Variants in EXOC4 observed in about 807,000 individuals in gnomAD.
The protein encoded by EXOC4 is SEC8-like 1.
A neutral mutation model predicts 107.2 loss-of-function variants in EXOC4; 71 were observed. That is an observed-to-expected ratio of 0.66 (90% CI 0.55 to 0.81). The LOEUF is 0.81. Ranked by LOEUF, EXOC4 falls within the 30% of genes least tolerant of loss-of-function variation. The probability of loss-of-function intolerance (pLI) is 0.00; values close to 1 mark genes in which losing one functional copy is unlikely to be tolerated. For synonymous variants in EXOC4, 456 were observed against 441.2 expected, an observed-to-expected ratio of 1.03 and a Z score of -0.42; for missense variants, 1,108 against 1,189.6, an observed-to-expected ratio of 0.93 and a Z score of 1.01.
At chr7:133,609,875 G>T (rs941797488) in intron 9 of EXOC4, among the ~76,000 whole-genome samples, 3 of 152,178 alleles carry the variant, frequency 2.0e-5, no homozygotes, top group African/African-American at 7.2e-5. Context: ...GCTACAACAG[G>T]ACTCTAGCCT....
chr7:133,541,358 G>C (rs1800376258), intron 9 of EXOC4, among the ~76,000 whole-genome samples: 1 of 152,152 alleles, frequency 6.6e-6, no homozygotes. Flanking sequence ...GAATCTCCCT[G>C]ATAGCTATAG....
chr7:133,912,405 T>G (rs1016807400), intron 12 of EXOC4, among the ~76,000 whole-genome samples: 6 of 152,014 alleles, frequency 3.9e-5, no homozygotes, highest in Admixed American at 2.0e-4. Flanking sequence ...TACATTGGGG[T>G]TTTTCAAAGA....
chr7:133,903,925 C>T lies in EXOC4; in HGVS notation c.1871+8190C>T, dbSNP rs549360462. ...AAATACAGTGTTGTAGTGTTGCCAGCATTAGAACTCAGCACGGACTGAGTG... is the reference window on the plus strand; with the variant it reads ...AAATACAGTGTTGTAGTGTTGCCAGTATTAGAACTCAGCACGGACTGAGTG... On this transcript the variant is annotated intron_variant, in intron 12 of 17. Transcript: ENST00000253861. Among the ~76,000 whole-genome samples, 16 of 152,244 alleles carry T rather than the reference C, an allele frequency of 1.1e-4. 1 individual carries two copies. The South Asian group carries it at 2.3e-3, about 22-fold the overall frequency.
intron 7 of EXOC4, among the ~76,000 whole-genome samples, chr7:133,426,469 T>TG (rs1414215179): frequency 6.6e-6 from 1 of 152,238 alleles, no homozygotes; most frequent in Non-Finnish European, 1.5e-5. Context: ...AACTTGCTCA[T>TG]GAAGTGTGGG....
intron 10 of EXOC4, among the ~76,000 whole-genome samples, chr7:133,685,786 C>T (rs1181456707): frequency 1.3e-5 from 2 of 152,076 alleles, no homozygotes; most frequent in African/African-American, 2.4e-5. Flanking sequence ...GTTGCATAGA[C>T]ATATTGCGTA....
chr7:133,840,623 C>T (rs1298320962), intron 11 of EXOC4, among the ~76,000 whole-genome samples: 3 of 152,058 alleles, frequency 2.0e-5, no homozygotes, highest in Non-Finnish European at 4.4e-5. Flanking sequence ...GCTGGGACTA[C>T]AGGCACGCTC....
the EXOC4 span, among the ~76,000 whole-genome samples, chr7:134,089,398 A>G: frequency 0.21 from 32,117 of 152,176 alleles, 5,086 homozygotes; most frequent in African/African-American, 0.45. Flanking sequence ...ATGTTACACT[A>G]TTAACTCTTA....
chr7:133,354,963 G>A (rs1174785334), intron 5 of EXOC4, among the ~76,000 whole-genome samples: 1 of 152,126 alleles, frequency 6.6e-6, no homozygotes, highest in Non-Finnish European at 1.5e-5. Context: ...CTACTCTGCA[G>A]TCTTCCCAGA....
chr7:133,575,904 G>T (rs563112981), intron 9 of EXOC4, among the ~76,000 whole-genome samples: 2 of 152,208 alleles, frequency 1.3e-5, no homozygotes, highest in South Asian at 4.1e-4. Flanking sequence ...ACTACATGTG[G>T]TTGACAGATT....
chr7:134,042,412 T>C (rs532117347), intron 17 of EXOC4, among the ~76,000 whole-genome samples: 1 of 152,144 alleles, frequency 6.6e-6, no homozygotes, highest in East Asian at 1.9e-4. Context: ...TTTGCCAGTG[T>C]GCTCAATGCT....
chr7:133,882,023 A>C (rs1798977252), intron 11 of EXOC4, among the ~76,000 whole-genome samples: 1 of 152,172 alleles, frequency 6.6e-6, no homozygotes, highest in African/African-American at 2.4e-5. Flanking sequence ...CTAAAAAAAA[A>C]ATAACCACTA....
At chr7:133,522,927 G>A (rs549352246) in intron 9 of EXOC4, among the ~76,000 whole-genome samples, 6 of 152,232 alleles carry the variant, frequency 3.9e-5, no homozygotes, top group Non-Finnish European at 7.4e-5. Context: ...CTCTTACCAT[G>A]TACGAGCCCA....
intron 7 of EXOC4, among the ~76,000 whole-genome samples, chr7:133,424,443 T>C (rs1481218484): frequency 6.6e-6 from 1 of 151,384 alleles, no homozygotes; most frequent in East Asian, 1.9e-4. Context: ...ACCAAGAAAC[T>C]CCGGACACAT....
chr7:133,528,412 AT>A (rs1347093943), intron 9 of EXOC4, among the ~76,000 whole-genome samples: 3 of 152,154 alleles, frequency 2.0e-5, no homozygotes, highest in Non-Finnish European at 4.4e-5. Flanking sequence ...AGTGATTGTG[AT>A]TTTTGAATTT....
intron 7 of EXOC4, among the ~76,000 whole-genome samples, chr7:133,380,130 C>A (rs1796581565): frequency 6.6e-6 from 1 of 151,700 alleles, no homozygotes; most frequent in Admixed American, 6.6e-5. Context: ...AGGAGATATA[C>A]CTAATGTAAA....
At chr7:133,340,443 G>T (rs1202390774) in intron 5 of EXOC4, among the ~76,000 whole-genome samples, 3 of 146,566 alleles carry the variant, frequency 2.0e-5, no homozygotes, top group South Asian at 2.2e-4. Context: ...TTTTTTTGAG[G>T]ATTTTTGTAT....
chr7:133,370,942 G>A (rs997017738), intron 6 of EXOC4, among the ~76,000 whole-genome samples: 1 of 152,108 alleles, frequency 6.6e-6, no homozygotes, highest in African/African-American at 2.4e-5. Flanking sequence ...GGAGAAGTTG[G>A]GAGAATTTTT....
chr7:133,320,412 AAC>A (rs1795085419), intron 5 of EXOC4, among the ~76,000 whole-genome samples: 1 of 152,030 alleles, frequency 6.6e-6, no homozygotes, highest in Admixed American at 6.6e-5. Flanking sequence ...CCATCTTCAA[AAC>A]CAGCAATGGT....
At chr7:133,950,260 T>TA (rs1800658801) in intron 14 of EXOC4, among the ~76,000 whole-genome samples, 1 of 152,228 alleles carries the variant, frequency 6.6e-6, no homozygotes, top group South Asian at 2.1e-4. Context: ...AGGAAAATGA[T>TA]AAAGTCATTA....
Sources: allele counts gnomAD v4.1 joint callset (sites outside exome capture counted in the v4.1 genomes callset), GRCh38; gene constraint gnomAD v4.1.1; transcripts MANE v1.5; gene names NCBI Gene and HGNC (gene_info 2026-07-23, HGNC 2026-07-21).